Variants in PRKCE observed in about 807,000 individuals in gnomAD.
PRKCE encodes protein kinase C epsilon type.
In PRKCE, 16 loss-of-function variants were observed where a neutral mutation model predicts 85.4. The observed-to-expected ratio is 0.19, with a 90% CI of 0.13 to 0.28. The LOEUF is 0.28. PRKCE is among the 10% of genes least tolerant of loss of function. The pLI is 1.00. For synonymous variants in PRKCE, 388 were observed against 371.5 expected, an observed-to-expected ratio of 1.04 and a Z score of -0.51; for missense variants, 573 against 975.2, an observed-to-expected ratio of 0.59 and a Z score of 5.49.
chr2:45,859,884 G>C (rs1002101643), intron 2 of PRKCE, among the ~76,000 whole-genome samples: 2 of 152,156 alleles, frequency 1.3e-5, no homozygotes, highest in Non-Finnish European at 2.9e-5. Flanking sequence ...GGCAAAATGA[G>C]CTGATGTGCA....
At chr2:45,921,285 A>G (rs1028118687) in intron 2 of PRKCE, among the ~76,000 whole-genome samples, 2 of 152,256 alleles carry the variant, frequency 1.3e-5, no homozygotes, top group African/African-American at 4.8e-5. Flanking sequence ...TGGAACTGCC[A>G]GAATTCCTAT....
intron 10 of PRKCE, among the ~76,000 whole-genome samples, chr2:46,060,968 G>T (rs1020011035): frequency 1.3e-5 from 2 of 151,698 alleles, no homozygotes; most frequent in African/African-American, 2.4e-5. Flanking sequence ...TGTCATGTTG[G>T]CTAGGCTGGT....
chr2:45,747,878 T>G (rs1479973154), intron 1 of PRKCE, among the ~76,000 whole-genome samples: 1 of 152,228 alleles, frequency 6.6e-6, no homozygotes, highest in African/African-American at 2.4e-5. Flanking sequence ...TCTTCTTTTT[T>G]TTTTCTTTTT....
At position 45,893,993 on chromosome 2, in the gene PRKCE, T is replaced by C. The variant is rs1215527874; in HGVS notation, c.412+50930T>C. 2.0e-5 allele frequency among the ~76,000 whole-genome samples: 3 copies of C among 152,144 alleles called. No individual in the cohort carries two copies. In the East Asian group the frequency reaches 5.8e-4, roughly 30 times the overall value. ...GGTCTCAGTTTGCCCATTTGTAAAA[T>C]GGATATAAATGTACCCCAGATTAAA... On this transcript the variant is annotated intron_variant, in intron 2 of 14. Coordinates refer to ENST00000306156, the MANE Select transcript of PRKCE (RefSeq NM_005400.3).
intron 10 of PRKCE, among the ~76,000 whole-genome samples, chr2:46,026,876 T>C (rs992403153): frequency 6.6e-6 from 1 of 152,052 alleles, no homozygotes; most frequent in African/African-American, 2.4e-5. Context: ...AGGAAACACA[T>C]GGGTGATGAA....
chr2:45,800,439 G>A (rs1687771010), intron 1 of PRKCE, among the ~76,000 whole-genome samples: 1 of 152,252 alleles, frequency 6.6e-6, no homozygotes, highest in Admixed American at 6.5e-5. Context: ...TGGAGTGGCT[G>A]GAGCCCAGGT....
intron 11 of PRKCE, among the ~76,000 whole-genome samples, chr2:46,089,980 TGACTGCCTCAGGG>T (rs1452919944): frequency 6.6e-6 from 1 of 152,166 alleles, no homozygotes; most frequent in Non-Finnish European, 1.5e-5. Flanking sequence ...ATCCAAGATC[TGACTGCCTCAGGG>T]TCTCTGGTTT....
chr2:45,708,517 C>G (rs12172891), intron 1 of PRKCE, among the ~76,000 whole-genome samples: 117,391 of 152,192 alleles, frequency 0.77, 45,913 homozygotes, highest in East Asian at 0.94. Context: ...CACAAGCTCT[C>G]TCTCTTTGAC....
At chr2:45,687,504 T>G (rs889915314) in intron 1 of PRKCE, among the ~76,000 whole-genome samples, 3 of 152,226 alleles carry the variant, frequency 2.0e-5, no homozygotes, top group Non-Finnish European at 2.9e-5. Flanking sequence ...AGTGGGTGTT[T>G]TGATAATCTT....
chr2:46,021,736 C>G (rs748179214), intron 10 of PRKCE, among the ~76,000 whole-genome samples: 1 of 152,144 alleles, frequency 6.6e-6, no homozygotes, highest in Non-Finnish European at 1.5e-5. Flanking sequence ...AGTTATCTAA[C>G]CCGGTCACCA....
At chr2:46,180,524 G>A (rs1333037860) in intron 14 of PRKCE, among the ~76,000 whole-genome samples, 1 of 152,188 alleles carries the variant, frequency 6.6e-6, no homozygotes, top group Non-Finnish European at 1.5e-5. Context: ...GGATTTGGAG[G>A]CACAGAAAGA....
At chr2:46,059,753 T>C (rs1448680282) in intron 10 of PRKCE, among the ~76,000 whole-genome samples, 1 of 152,110 alleles carries the variant, frequency 6.6e-6, no homozygotes, top group Non-Finnish European at 1.5e-5. Flanking sequence ...TAATGAGCTA[T>C]GAGTGAACCT....
intron 1 of PRKCE, among the ~76,000 whole-genome samples, chr2:45,699,607 G>A (rs1357042959): frequency 2.0e-5 from 3 of 152,200 alleles, no homozygotes; most frequent in East Asian, 3.9e-4. Flanking sequence ...GCTGTCATCT[G>A]TACAGAGGCC....
chr2:45,902,898 T>G (rs1475928369), intron 2 of PRKCE, among the ~76,000 whole-genome samples: 1 of 152,228 alleles, frequency 6.6e-6, no homozygotes, highest in Non-Finnish European at 1.5e-5. Flanking sequence ...TGGGAGTTTC[T>G]GGACTGCAAG....
intron 5 of PRKCE, 45 bp from the exon 6 acceptor site, chr2:45,984,506 A>C (rs60465117): frequency 0.011 from 17,599 of 1,589,060 alleles, 583 homozygotes; most frequent in South Asian, 0.07. Context: ...TCTTCTGGGG[A>C]ACTGAGGAGC....
intron 1 of PRKCE, among the ~76,000 whole-genome samples, chr2:45,776,464 T>C (rs1685755256): frequency 6.6e-6 from 1 of 152,202 alleles, no homozygotes; most frequent in African/African-American, 2.4e-5. Context: ...AGGATGAAGG[T>C]AGATTTTTTT....
At chr2:45,681,393 T>G (rs1240497524) in intron 1 of PRKCE, among the ~76,000 whole-genome samples, 1 of 151,518 alleles carries the variant, frequency 6.6e-6, no homozygotes, top group Non-Finnish European at 1.5e-5. Context: ...GCAATGTAGT[T>G]ATCCTAAATT....
At chr2:45,704,095 C>T (rs1439867822) in intron 1 of PRKCE, among the ~76,000 whole-genome samples, 3 of 152,176 alleles carry the variant, frequency 2.0e-5, no homozygotes. Flanking sequence ...CGATGCATAG[C>T]TGAATAGAAA....
In PRKCE at chr2:46,187,805, A is replaced by AT. The variant is rs5830890; in HGVS notation, c.*2936dup. On this transcript the variant is annotated 3_prime_UTR_variant, in exon 15 of 15. Transcript: ENST00000306156. ...ACTGTAAAATGTATTCAATTTTAGG[A>AT]TTTTTTTTTTTTGTATTGTGATGCT... 0.32 allele frequency: 47,064 copies of AT among 145,704 alleles called. 7,641 individuals carry two copies. The highest frequency in any genetic ancestry group is 0.38 in the Admixed American group (5,581 of 14,650). The allele number at this position is 145,704 out of a possible 1,614,324, so 9.0% of individuals were successfully genotyped here.
Sources: allele counts gnomAD v4.1 joint callset (sites outside exome capture counted in the v4.1 genomes callset), GRCh38; gene constraint gnomAD v4.1.1; transcripts MANE v1.5; gene names NCBI Gene and HGNC (gene_info 2026-07-23, HGNC 2026-07-21).